AUTS2: variants seen among roughly 807,000 people sequenced by gnomAD.
AUTS2 encodes the protein activator of transcription and developmental regulator AUTS2.
Under a neutral mutation model 112.4 loss-of-function variants are expected in AUTS2, and 17 were observed. The ratio of observed to expected loss-of-function variants is 0.15; its 90% CI spans 0.10 to 0.23. The LOEUF is 0.23. AUTS2 is among the 10% of genes least tolerant of loss of function. AUTS2 has a pLI of 1.00. For missense variants in AUTS2, 1,510 were observed against 1,701.6 expected (o/e 0.89, Z 1.98); for synonymous variants, 751 against 702.7 (o/e 1.07, Z -1.09).
intron 1 of AUTS2, among the ~76,000 whole-genome samples, chr7:69,735,824 C>G (rs955423751): frequency 1.3e-5 from 2 of 152,196 alleles, no homozygotes; most frequent in African/African-American, 4.8e-5. Flanking sequence ...GCACAGAGGG[C>G]AGAGCTTAGT....
intron 2 of AUTS2, among the ~76,000 whole-genome samples, chr7:69,952,165 G>T (rs1797052624): frequency 6.6e-6 from 1 of 152,034 alleles, no homozygotes; most frequent in South Asian, 2.1e-4. Context: ...TCCAAAAACT[G>T]TTAAAGTCTG....
chr7:70,047,775 TAGGATTTTA>T (rs1801572700), intron 2 of AUTS2, among the ~76,000 whole-genome samples: 1 of 151,848 alleles, frequency 6.6e-6, no homozygotes, highest in Non-Finnish European at 1.5e-5. Flanking sequence ...GAAGAAGAGG[TAGGATTTTA>T]AGGAAATTCT....
intron 1 of AUTS2, among the ~76,000 whole-genome samples, chr7:69,747,784 GGTGTGTGTGTGTGTGT>G (rs10695531): frequency 6.9e-6 from 1 of 144,502 alleles, no homozygotes; most frequent in South Asian, 2.2e-4. Context: ...GAAGGAGAGG[GGTGTGTGTGTGTGTGT>G]GTGTGTGTGT....
At chr7:69,940,152 C>A (rs1338362973) in intron 2 of AUTS2, among the ~76,000 whole-genome samples, 1 of 152,194 alleles carries the variant, frequency 6.6e-6, no homozygotes, top group Non-Finnish European at 1.5e-5. Flanking sequence ...TCACAACTTA[C>A]AAATAGCAGA....
chr7:69,876,505 T>C (rs1793799034), intron 1 of AUTS2, among the ~76,000 whole-genome samples: 1 of 13,780 alleles, frequency 7.3e-5, no homozygotes, highest in African/African-American at 4.0e-4. Flanking sequence ...TATATATATA[T>C]ATATATATAT....
At chr7:70,261,598 A>G (rs1271458233) in intron 4 of AUTS2, among the ~76,000 whole-genome samples, 2 of 152,228 alleles carry the variant, frequency 1.3e-5, no homozygotes, top group Admixed American at 6.5e-5. Context: ...TCTCATGTAT[A>G]TCCTGATCAA....
At position 70,387,193 on chromosome 7, in the gene AUTS2, C is replaced by G. The variant is rs571872351; in HGVS notation, c.661-48559C>G. Among the ~76,000 whole-genome samples, 264 of 152,294 alleles carry G rather than the reference C, an allele frequency of 1.7e-3. 1 individual carries two copies. Among genetic ancestry groups the G allele is most frequent in the Non-Finnish European group, 3.0e-3 (204 of 68,028 alleles). On this transcript the variant is annotated intron_variant, in intron 4 of 18. Transcript: ENST00000342771. The stretch of plus-strand genomic sequence containing the variant: ...GCACAGTTTGCTCTCTCTGTTGGTG[C>G]TTCTTTTCCACTCACTCCCACTTCA...
At chr7:69,986,051 C>T (rs995928963) in intron 2 of AUTS2, among the ~76,000 whole-genome samples, 1 of 152,204 alleles carries the variant, frequency 6.6e-6, no homozygotes, top group Non-Finnish European at 1.5e-5. Flanking sequence ...GCATGAGCCA[C>T]CGTGCCCAGC....
At chr7:69,983,260 A>G (rs1056842734) in intron 2 of AUTS2, among the ~76,000 whole-genome samples, 3 of 151,210 alleles carry the variant, frequency 2.0e-5, no homozygotes, top group Admixed American at 6.6e-5. Flanking sequence ...TAATGTTTCT[A>G]TGTGGCATTT....
At chr7:70,258,445 A>T (rs1786996269) in intron 4 of AUTS2, among the ~76,000 whole-genome samples, 1 of 152,200 alleles carries the variant, frequency 6.6e-6, no homozygotes, top group Non-Finnish European at 1.5e-5. Flanking sequence ...CACATTTCTG[A>T]GTTAGAAATG....
At chr7:70,532,918 G>T (rs983862767) in intron 5 of AUTS2, among the ~76,000 whole-genome samples, 21 of 152,134 alleles carry the variant, frequency 1.4e-4, no homozygotes, top group Non-Finnish European at 2.2e-4. Flanking sequence ...ACATTCCTCT[G>T]TTTTTTTGGT....
intron 1 of AUTS2, among the ~76,000 whole-genome samples, chr7:69,685,905 T>A (rs1426364302): frequency 6.6e-6 from 1 of 152,008 alleles, no homozygotes; most frequent in African/African-American, 2.4e-5. Flanking sequence ...CAGACCCAGA[T>A]AAAACAATAA....
At chr7:70,010,998 T>C (rs1563037386) in intron 2 of AUTS2, among the ~76,000 whole-genome samples, 1 of 152,214 alleles carries the variant, frequency 6.6e-6, no homozygotes. Context: ...ATACTTGATT[T>C]GGTCATCAGG....
At chr7:70,405,379 C>T (rs1794487420) in intron 4 of AUTS2, among the ~76,000 whole-genome samples, 1 of 152,142 alleles carries the variant, frequency 6.6e-6, no homozygotes, top group Admixed American at 6.6e-5. Context: ...TCATGGCGTT[C>T]GTACGTGGAA....
chr7:70,739,035 T>TTTTTTTTTTTTTTTTG (rs1787946528), intron 6 of AUTS2, among the ~76,000 whole-genome samples: 1 of 82,518 alleles, frequency 1.2e-5, no homozygotes, highest in Non-Finnish European at 2.2e-5. Context: ...TTTTTTTTTT[T>TTTTTTTTTTTTTTTTG]TTGAGAGAGA....
Position 69,601,376 on chromosome 7 carries a change from G to C in AUTS2, c.309+1414G>C, listed in dbSNP as rs550881496. ...TAATGACAGCTTAAATCTCACATAC[G>C]GTAACTGTACAGGTTTAGATTGCTG... is the stretch of plus-strand genomic sequence containing the variant. On this transcript the variant is annotated intron_variant, in intron 1 of 18. Transcript: ENST00000342771. Among the ~76,000 whole-genome samples, 11 of 152,054 alleles carry C rather than the reference G, an allele frequency of 7.2e-5. No individual in the cohort carries two copies. In the South Asian group the frequency reaches 2.1e-3, roughly 29 times the overall value.
intron 5 of AUTS2, among the ~76,000 whole-genome samples, chr7:70,576,410 T>C (rs1392984740): frequency 6.6e-6 from 1 of 152,216 alleles, no homozygotes; most frequent in Non-Finnish European, 1.5e-5. Flanking sequence ...CCTTGCTCTG[T>C]TCTTGAAGAC....
At chr7:70,620,541 G>C (rs1297738927) in intron 5 of AUTS2, among the ~76,000 whole-genome samples, 1 of 152,148 alleles carries the variant, frequency 6.6e-6, no homozygotes, top group Non-Finnish European at 1.5e-5. Context: ...GCCAAGCCCA[G>C]GGCTTGGGTT....
chr7:70,536,880 A>G (rs1800345282), intron 5 of AUTS2, among the ~76,000 whole-genome samples: 1 of 152,192 alleles, frequency 6.6e-6, no homozygotes, highest in Non-Finnish European at 1.5e-5. Flanking sequence ...AGCCTGGGCA[A>G]CAAGAGTGAA....
Sources: gnomAD v4.1 joint callset for allele counts (sites outside exome capture counted in the v4.1 genomes callset) on GRCh38, gnomAD v4.1.1 for gene constraint, MANE v1.5 for transcripts, NCBI Gene and HGNC (gene_info 2026-07-23, HGNC 2026-07-21) for gene names.